Variants in LRRC4C observed in about 807,000 individuals in gnomAD.
LRRC4C encodes the protein leucine-rich repeat-containing protein 4C.
A neutral mutation model predicts 33.6 loss-of-function variants in LRRC4C; 5 were observed. The observed-to-expected ratio is 0.15, with a 90% confidence interval of 0.08 to 0.31. LRRC4C has a LOEUF of 0.31. LRRC4C is among the 10% of genes least tolerant of loss of function. LRRC4C has a pLI of 1.00. For synonymous variants in LRRC4C, 329 were observed against 302.0 expected (o/e 1.09, Z -0.93); for missense variants, 560 against 796.7 (o/e 0.70, Z 3.58).
intron 4 of LRRC4C, among the ~76,000 whole-genome samples, chr11:40,305,856 C>G (rs147529873): frequency 6.6e-6 from 1 of 152,328 alleles, no homozygotes; most frequent in African/African-American, 2.4e-5. Flanking sequence ...ATAGTTAGCA[C>G]AGTTGCTGGC....
intron 3 of LRRC4C, among the ~76,000 whole-genome samples, chr11:40,630,683 C>A (rs1484215004): frequency 6.6e-6 from 1 of 152,072 alleles, no homozygotes; most frequent in Non-Finnish European, 1.5e-5. Flanking sequence ...CAGTATCATT[C>A]AATTGTCAGC....
chr11:40,233,341 C>T (rs1417593303), intron 5 of LRRC4C, among the ~76,000 whole-genome samples: 1 of 152,136 alleles, frequency 6.6e-6, no homozygotes, highest in African/African-American at 2.4e-5. Flanking sequence ...ATTATGTCAT[C>T]AATGCTTACT....
intron 3 of LRRC4C, among the ~76,000 whole-genome samples, chr11:40,606,669 GA>G (rs1285209826): frequency 6.6e-6 from 1 of 151,890 alleles, no homozygotes; most frequent in Non-Finnish European, 1.5e-5. Flanking sequence ...TATCAACAAA[GA>G]GCTAGAAAAT....
At chr11:40,543,543 C>T (rs1182534714) in intron 3 of LRRC4C, among the ~76,000 whole-genome samples, 4 of 151,980 alleles carry the variant, frequency 2.6e-5, no homozygotes, top group South Asian at 2.1e-4. Flanking sequence ...TAATATTCAC[C>T]GAGCCTGAAT....
chr11:40,715,917 CAGGAGGCTGAGGT>C (rs1263428281), intron 2 of LRRC4C, among the ~76,000 whole-genome samples: 1 of 151,910 alleles, frequency 6.6e-6, no homozygotes, highest in Non-Finnish European at 1.5e-5. Context: ...CTCCACTACT[CAGGAGGCTGAGGT>C]AGGAGAATTA....
intron 2 of LRRC4C, among the ~76,000 whole-genome samples, chr11:40,734,851 AG>A (rs1947775285): frequency 6.6e-6 from 1 of 152,088 alleles, no homozygotes; most frequent in East Asian, 1.9e-4. Context: ...TGTGTCTGTG[AG>A]GGTGTTTCCA....
intron 2 of LRRC4C, among the ~76,000 whole-genome samples, chr11:40,777,298 T>A (rs1198952559): frequency 6.6e-6 from 1 of 152,178 alleles, no homozygotes; most frequent in Non-Finnish European, 1.5e-5. Context: ...ACCTTGATTA[T>A]TTGTCTAATA....
At chr11:41,094,963 T>G (rs1314484446) in intron 1 of LRRC4C, among the ~76,000 whole-genome samples, 1 of 152,200 alleles carries the variant, frequency 6.6e-6, no homozygotes, top group African/African-American at 2.4e-5. Flanking sequence ...GGTATTTTCA[T>G]CTGAGTGCAT....
At position 40,316,558 on chromosome 11, in the gene LRRC4C, C is replaced by T. The variant is rs1945582947; in HGVS notation, c.-176+3070G>A. On this transcript the variant is annotated intron_variant, in intron 4 of 6. Transcript: ENST00000528697. ...CAAAAAATCTGCATGACAATGCTTA[C>T]AGGCAACAGAAAATGAAGAGTTATG... 2.0e-5 allele frequency among the ~76,000 whole-genome samples: 3 copies of T among 151,920 alleles called. No homozygotes were observed. The South Asian group carries it at 6.2e-4, about 31-fold the overall frequency.
At chr11:41,295,921 A>C (rs2137041621) in intron 1 of LRRC4C, among the ~76,000 whole-genome samples, 1 of 152,340 alleles carries the variant, frequency 6.6e-6, no homozygotes, top group South Asian at 2.1e-4. Flanking sequence ...TGACACGATA[A>C]GAAATATCTA....
chr11:40,487,258 T>TA (rs1953911908), intron 3 of LRRC4C, among the ~76,000 whole-genome samples: 1 of 152,098 alleles, frequency 6.6e-6, no homozygotes, highest in Non-Finnish European at 1.5e-5. Context: ...GAGGCTTCTG[T>TA]AATTTGCAGT....
chr11:41,390,131 G>A (rs1434120602), intron 1 of LRRC4C, among the ~76,000 whole-genome samples: 6 of 151,858 alleles, frequency 4.0e-5, no homozygotes, highest in Non-Finnish European at 8.8e-5. Flanking sequence ...TATTTTGTTT[G>A]CCGAGGATTT....
chr11:40,490,266 T>C (rs1954079481), intron 3 of LRRC4C, among the ~76,000 whole-genome samples: 1 of 152,168 alleles, frequency 6.6e-6, no homozygotes, highest in African/African-American at 2.4e-5. Context: ...AAGCTGACAT[T>C]AATCTTTTAG....
At chr11:40,829,240 T>A (rs1258745162) in intron 2 of LRRC4C, among the ~76,000 whole-genome samples, 1 of 151,934 alleles carries the variant, frequency 6.6e-6, no homozygotes, top group Non-Finnish European at 1.5e-5. Context: ...ATATTGAGGA[T>A]GGGAAAAAAA....
In LRRC4C at chr11:40,588,060, C is replaced by G. The variant is rs1958846262; in HGVS notation, c.-270+60082G>C. Among the ~76,000 whole-genome samples, 8 of 151,842 alleles carry G rather than the reference C, an allele frequency of 5.3e-5. No individual in the cohort carries two copies. In the South Asian group the frequency reaches 1.7e-3, roughly 32 times the overall value. On this transcript the variant is annotated intron_variant, in intron 3 of 6. Transcript: ENST00000528697. ...AGTTTCAGAAGGAATGGTACCAGTT[C>G]CTCCTTGTACCTCTGGTAGAATTTG...
chr11:40,594,827 T>C (rs550571602), intron 3 of LRRC4C, among the ~76,000 whole-genome samples: 11 of 152,168 alleles, frequency 7.2e-5, no homozygotes, highest in South Asian at 4.1e-4. Flanking sequence ...TATGTTTTTG[T>C]AGAAATATTA....
At chr11:40,188,252 T>C (rs1861563999) in intron 5 of LRRC4C, among the ~76,000 whole-genome samples, 1 of 152,224 alleles carries the variant, frequency 6.6e-6, no homozygotes, top group Non-Finnish European at 1.5e-5. Context: ...AAATTCTGAC[T>C]TCCTTTTTGG....
chr11:41,330,017 T>C (rs983182809), intron 1 of LRRC4C, among the ~76,000 whole-genome samples: 10 of 152,148 alleles, frequency 6.6e-5, no homozygotes, highest in Non-Finnish European at 1.5e-5. Flanking sequence ...CTGAGAGAAA[T>C]AGAGAAAATC....
intron 1 of LRRC4C, among the ~76,000 whole-genome samples, chr11:41,422,195 G>T (rs1205454438): frequency 6.6e-6 from 1 of 152,006 alleles, no homozygotes; most frequent in Non-Finnish European, 1.5e-5. Flanking sequence ...TTTCCACAGT[G>T]ATGGGACTCT....
Sources: allele counts gnomAD v4.1 joint callset (sites outside exome capture counted in the v4.1 genomes callset), GRCh38; gene constraint gnomAD v4.1.1; transcripts MANE v1.5; gene names NCBI Gene and HGNC (gene_info 2026-07-23, HGNC 2026-07-21).